The following TBXAS1 variants were observed in gnomAD, a reference collection of about 807,000 sequenced individuals.
TBXAS1 encodes thromboxane-A synthase.
Under a neutral mutation model 60.7 loss-of-function variants are expected in TBXAS1, and 48 were observed. The observed-to-expected ratio is 0.79, with a 90% CI of 0.63 to 1.01. The LOEUF is 1.01. TBXAS1 is among the 50% of genes least tolerant of loss of function. The pLI is 0.00. For synonymous variants in TBXAS1, 287 were observed against 269.7 expected, an observed-to-expected ratio of 1.06 and a Z score of -0.63; for missense variants, 685 against 686.3, an observed-to-expected ratio of 1.00 and a Z score of 0.02.
chr7:140,016,824 C>T (rs1022564247), intron 11 of TBXAS1: 7 of 152,754 alleles, frequency 4.6e-5, no homozygotes, highest in African/African-American at 1.2e-4. Context: ...ATGGCTCCAA[C>T]TGAGTTCAGC....
intron 9 of TBXAS1, among the ~76,000 whole-genome samples, chr7:139,972,217 T>G (rs1314177815): frequency 1.3e-5 from 2 of 152,222 alleles, no homozygotes; most frequent in African/African-American, 4.8e-5. Flanking sequence ...CAGGAATGGG[T>G]CACACCAATC....
chr7:139,827,790 G>A (rs1159442908), upstream of TBXAS1, among the ~76,000 whole-genome samples: 1 of 152,116 alleles, frequency 6.6e-6, no homozygotes, highest in Non-Finnish European at 1.5e-5. Context: ...GGTTTGTTGA[G>A]GAGCCGGAAG....
chr7:139,875,461 C>T, intron 2 of TBXAS1, 124 bp from the exon 3 acceptor site: 3 of 842,940 alleles, frequency 3.6e-6, no homozygotes, highest in Non-Finnish European at 3.9e-6. Context: ...AGCAATATAA[C>T]TTCCATTCTT....
intron 9 of TBXAS1, among the ~76,000 whole-genome samples, chr7:139,993,892 C>CTTTTTTTTTTTTT (rs71170931): frequency 9.0e-6 from 1 of 111,704 alleles, no homozygotes; most frequent in Non-Finnish European, 1.7e-5. Context: ...TTCTTTCTTT[C>CTTTTTTTTTTTTT]TTTTTTTTTT....
chr7:139,867,136 G>T (rs1046149684), intron 1 of TBXAS1, among the ~76,000 whole-genome samples: 1 of 152,266 alleles, frequency 6.6e-6, no homozygotes, highest in African/African-American at 2.4e-5. Context: ...TCTCCAATGT[G>T]CAGGACACTG....
intron 1 of TBXAS1, among the ~76,000 whole-genome samples, chr7:139,832,177 C>T (rs1050930122): frequency 5.9e-5 from 9 of 152,082 alleles, no homozygotes; most frequent in South Asian, 2.1e-4. Context: ...GCCCCAACTG[C>T]GGAAGTGGGA....
intron 1 of TBXAS1, among the ~76,000 whole-genome samples, chr7:139,857,378 T>G (rs1045140150): frequency 2.0e-5 from 3 of 151,820 alleles, no homozygotes; most frequent in African/African-American, 7.3e-5. Context: ...TATAAAAGAG[T>G]TTTTGGGGGA....
intron 9 of TBXAS1, among the ~76,000 whole-genome samples, chr7:139,984,812 AAG>A (rs1200340145): frequency 6.7e-6 from 1 of 150,286 alleles, no homozygotes; most frequent in Non-Finnish European, 1.5e-5. Context: ...GGGGGAAAGA[AAG>A]AAAAGAAGAA....
At position 139,957,689 on chromosome 7, in the gene TBXAS1, A is replaced by C; in HGVS notation, c.744A>C (p.Arg248=). 3.1e-6 allele frequency: 5 copies of C among 1,614,080 alleles called. No homozygotes were observed. In the South Asian group the frequency reaches 5.5e-5, roughly 18 times the overall value. ...PLARILPNKN[R]DELNGFFNKL... ...CCCGGATTTTGCCCAATAAGAACCGAGACGAACTGAATGGCTTTTTTAACA... is the reference window on the plus strand; with the variant it reads ...CCCGGATTTTGCCCAATAAGAACCGCGACGAACTGAATGGCTTTTTTAACA... The change falls in exon 8 of 13, where the codon CGA becomes CGC. Residue 248 remains arginine, a synonymous_variant. Coordinates refer to ENST00000448866, the MANE Select transcript of TBXAS1 (RefSeq NM_001061.7).
chr7:139,969,278 C>T (rs1000256281), intron 9 of TBXAS1, among the ~76,000 whole-genome samples: 1 of 152,106 alleles, frequency 6.6e-6, no homozygotes, highest in Admixed American at 6.5e-5. Flanking sequence ...TGCTTTGTAA[C>T]CATTATAAAT....
At chr7:139,843,044 C>T (rs1488048906) in intron 1 of TBXAS1, among the ~76,000 whole-genome samples, 1 of 152,208 alleles carries the variant, frequency 6.6e-6, no homozygotes, top group Non-Finnish European at 1.5e-5. Flanking sequence ...CAGCAGCTGC[C>T]TCCACATTCT....
At chr7:139,869,763 G>T (rs1801686908) in intron 1 of TBXAS1, among the ~76,000 whole-genome samples, 1 of 152,154 alleles carries the variant, frequency 6.6e-6, no homozygotes, top group Non-Finnish European at 1.5e-5. Context: ...TAGGACTTCT[G>T]GAGGTTAGGA....
chr7:139,794,053 G>C (rs1029415159), intron 4 of TBXAS1, among the ~76,000 whole-genome samples: 2 of 151,882 alleles, frequency 1.3e-5, no homozygotes, highest in Non-Finnish European at 2.9e-5. Flanking sequence ...TGGTGCACGT[G>C]CATGTATATG....
At chr7:139,793,285 T>C (rs773724691) in intron 4 of TBXAS1, among the ~76,000 whole-genome samples, 16 of 151,984 alleles carry the variant, frequency 1.1e-4, no homozygotes, top group Non-Finnish European at 1.8e-4. Flanking sequence ...CTGGACATGG[T>C]GGCGCACTCT....
chr7:140,018,952 C>T (rs1215185833), intron 12 of TBXAS1, among the ~76,000 whole-genome samples: 9 of 152,232 alleles, frequency 5.9e-5, no homozygotes, highest in South Asian at 2.1e-4. Flanking sequence ...CATCTGGCTA[C>T]GTCTCTGCAC....
chr7:139,849,243 G>A (rs747177741), intron 1 of TBXAS1, among the ~76,000 whole-genome samples: 3 of 152,046 alleles, frequency 2.0e-5, no homozygotes, highest in Non-Finnish European at 2.9e-5. Context: ...GCCAGGTGCG[G>A]TGACATGCAT....
At chr7:139,940,590 A>T (rs1393469204) in intron 5 of TBXAS1, among the ~76,000 whole-genome samples, 1 of 151,870 alleles carries the variant, frequency 6.6e-6, no homozygotes, top group Admixed American at 6.6e-5. Flanking sequence ...GACCGACTAC[A>T]TCTCCAGGCT....
intron 5 of TBXAS1, among the ~76,000 whole-genome samples, chr7:139,940,240 G>A (rs1328368647): frequency 6.6e-6 from 1 of 152,192 alleles, no homozygotes; most frequent in Non-Finnish European, 1.5e-5. Flanking sequence ...CTTCTGGGCT[G>A]TGGAAGATGG....
chr7:139,858,166 T>C (rs1294203799), intron 1 of TBXAS1, among the ~76,000 whole-genome samples: 1 of 152,220 alleles, frequency 6.6e-6, no homozygotes, highest in African/African-American at 2.4e-5. Context: ...CTCTGCCCCA[T>C]GGCCTCCAGG....
Sources: allele counts gnomAD v4.1 joint callset (sites outside exome capture counted in the v4.1 genomes callset), GRCh38; gene constraint gnomAD v4.1.1; transcripts MANE v1.5; gene names NCBI Gene and HGNC (gene_info 2026-07-23, HGNC 2026-07-21).